TAMM41: variants seen among roughly 807,000 people sequenced by gnomAD.
TAMM41 encodes the protein phosphatidate cytidylyltransferase, mitochondrial.
Under a neutral mutation model 44.1 loss-of-function variants are expected in TAMM41, and 36 were observed. That is an observed-to-expected ratio of 0.82 (90% CI 0.63 to 1.08). The LOEUF (loss-of-function observed/expected upper bound fraction) is 1.08, where lower values mean the gene tolerates loss of function less well. Among genes scored for constraint, TAMM41 ranks in the 50% least tolerant of loss-of-function variants. TAMM41 has a pLI of 0.00. For synonymous variants in TAMM41, 164 were observed against 153.1 expected, an observed-to-expected ratio of 1.07 and a Z score of -0.53; for missense variants, 417 against 404.3, an observed-to-expected ratio of 1.03 and a Z score of -0.27.
At chr3:11,790,236 C>G (rs2077448873), downstream of TAMM41, among the ~76,000 whole-genome samples, 1 of 152,186 alleles carries the variant, frequency 6.6e-6, no homozygotes, top group Non-Finnish European at 1.5e-5. Context: ...CTCTCACGTA[C>G]CTACAGAATG....
At chr3:11,811,807 AG>A (rs1435054116) in intron 5 of TAMM41, among the ~76,000 whole-genome samples, 2 of 152,204 alleles carry the variant, frequency 1.3e-5, no homozygotes, top group African/African-American at 4.8e-5. Flanking sequence ...GGACGGCTAA[AG>A]GGTATGGAGT....
At chr3:11,823,338 C>T (rs1461178812) in intron 4 of TAMM41, among the ~76,000 whole-genome samples, 1 of 150,986 alleles carries the variant, frequency 6.6e-6, no homozygotes, top group Non-Finnish European at 1.5e-5. Context: ...TCACTGCAAC[C>T]TCCGCCTCCT....
At chr3:11,754,965 G>C in the TAMM41 span, among the ~76,000 whole-genome samples, 1 of 152,082 alleles carries the variant, frequency 6.6e-6, no homozygotes, top group African/African-American at 2.4e-5. Context: ...CTCCCAAAGT[G>C]CTGGGATTAC....
intron 7 of TAMM41, among the ~76,000 whole-genome samples, chr3:11,800,273 C>G (rs774476185): frequency 7.2e-5 from 11 of 152,010 alleles, no homozygotes; most frequent in Admixed American, 1.3e-4. Flanking sequence ...TATAAAATAA[C>G]TTGAAAATAA....
chr3:11,798,165 T>C (rs1233976995), intron 7 of TAMM41, among the ~76,000 whole-genome samples: 1 of 152,198 alleles, frequency 6.6e-6, no homozygotes, highest in Non-Finnish European at 1.5e-5. Flanking sequence ...CCCAAAGGAA[T>C]ATAATTCATT....
At chr3:11,761,980 G>GA in the TAMM41 span, among the ~76,000 whole-genome samples, 3 of 144,576 alleles carry the variant, frequency 2.1e-5, no homozygotes, top group Non-Finnish European at 4.6e-5. Context: ...AGAAAGAAAA[G>GA]AAAAAAAGAA....
the TAMM41 span, among the ~76,000 whole-genome samples, chr3:11,772,943 A>C: frequency 1.3e-5 from 2 of 152,116 alleles, no homozygotes; most frequent in Admixed American, 6.6e-5. Context: ...CTCTTGATTC[A>C]AACTCAGGTC....
chr3:11,838,926 T>C (rs1381789848), intron 3 of TAMM41, among the ~76,000 whole-genome samples: 1 of 152,106 alleles, frequency 6.6e-6, no homozygotes, highest in African/African-American at 2.4e-5. Flanking sequence ...CAGGTACGAC[T>C]GAAAGGAACT....
At chr3:11,738,463 A>G in the TAMM41 span, among the ~76,000 whole-genome samples, 1 of 152,246 alleles carries the variant, frequency 6.6e-6, no homozygotes. Flanking sequence ...CCGATGTCCT[A>G]TTCAACTTTC....
At chr3:11,803,891 A>G (rs909514197) in intron 7 of TAMM41, among the ~76,000 whole-genome samples, 1 of 152,230 alleles carries the variant, frequency 6.6e-6, no homozygotes, top group Non-Finnish European at 1.5e-5. Flanking sequence ...ATGTGTATGC[A>G]TGAGCATACA....
intron 7 of TAMM41, among the ~76,000 whole-genome samples, chr3:11,805,029 C>G (rs1311996394): frequency 7.1e-5 from 8 of 112,672 alleles, no homozygotes; most frequent in Admixed American, 1.2e-4. Context: ...TTTTTTGAGA[C>G]GAAGTCTCAC....
intron 4 of TAMM41, among the ~76,000 whole-genome samples, chr3:11,823,042 T>C (rs1341546299): frequency 6.6e-6 from 1 of 152,212 alleles, no homozygotes; most frequent in Non-Finnish European, 1.5e-5. Context: ...CACTTGTTCT[T>C]GCCTTTCTTT....
chr3:11,726,789 C>T, the TAMM41 span, among the ~76,000 whole-genome samples: 1 of 133,090 alleles, frequency 7.5e-6, no homozygotes, highest in Non-Finnish European at 1.5e-5. Context: ...GCAGCCTGGG[C>T]GACTCTGTCT....
At chr3:11,767,626 A>ATTTTGTTTTTTTTTTTTTTTT in the TAMM41 span, among the ~76,000 whole-genome samples, 1 of 60,692 alleles carries the variant, frequency 1.6e-5, no homozygotes, top group Non-Finnish European at 3.1e-5. Flanking sequence ...CACGTTGTGC[A>ATTTTGTTTTTTTTTTTTTTTT]TTTTTTTTTT....
chr3:11,758,579 G>C, the TAMM41 span, among the ~76,000 whole-genome samples: 1 of 152,074 alleles, frequency 6.6e-6, no homozygotes, highest in African/African-American at 2.4e-5. Context: ...TCAAATTCCT[G>C]ACCTCAGGTG....
chr3:11,779,820 G>T, the TAMM41 span, among the ~76,000 whole-genome samples: 1 of 152,080 alleles, frequency 6.6e-6, no homozygotes, highest in Non-Finnish European at 1.5e-5. Flanking sequence ...GTTCAGACCC[G>T]AATTCATCAC....
chr3:11,846,775 G>C lies in TAMM41; in HGVS notation c.-139C>G. 1 of 1,101,910 alleles carries C rather than the reference G, an allele frequency of 9.1e-7. No homozygotes were observed. The highest frequency in any genetic ancestry group is 1.3e-6 in the Non-Finnish European group (1 of 765,884). 68.3% of individuals were successfully genotyped at this position (1,101,910 alleles called of 1,614,324 possible). ...GGGACACAAGGCTGAGTGTGGGGTG[G>C]GACTGCAAGCACACGCAAGGATTGG... On this transcript the variant is annotated 5_prime_UTR_variant, in exon 1 of 8. Transcript: ENST00000455809.
chr3:11,820,117 C>T (rs1357774785), intron 4 of TAMM41, among the ~76,000 whole-genome samples: 3 of 152,076 alleles, frequency 2.0e-5, no homozygotes, highest in Admixed American at 6.6e-5. Flanking sequence ...CAGATGATGA[C>T]GTGACAAATG....
the TAMM41 span, among the ~76,000 whole-genome samples, chr3:11,729,792 G>A: frequency 6.6e-6 from 1 of 151,466 alleles, no homozygotes; most frequent in African/African-American, 2.4e-5. Flanking sequence ...ACTACTGACT[G>A]CAAGGAAGGA....
Sources: gnomAD v4.1 joint callset for allele counts (sites outside exome capture counted in the v4.1 genomes callset) on GRCh38, gnomAD v4.1.1 for gene constraint, MANE v1.5 for transcripts, NCBI Gene and HGNC (gene_info 2026-07-23, HGNC 2026-07-21) for gene names.